CDYL: variants seen among roughly 807,000 people sequenced by gnomAD.
CDYL encodes chromodomain Y-like protein.
A neutral mutation model predicts 47.3 loss-of-function variants in CDYL; 8 were observed. That is an observed-to-expected ratio of 0.17 (90% CI 0.10 to 0.31). The LOEUF is 0.31. CDYL is among the 10% of genes least tolerant of loss of function. The pLI, the probability that CDYL is intolerant of heterozygous loss-of-function variation, is 1.00. For synonymous variants in CDYL, 266 were observed against 265.0 expected, an observed-to-expected ratio of 1.00 and a Z score of -0.04; for missense variants, 471 against 701.4, an observed-to-expected ratio of 0.67 and a Z score of 3.71.
chr6:4,937,492 T>C lies in CDYL; in HGVS notation c.949-73T>C, dbSNP rs1201539211. On this transcript the variant is annotated intron_variant, in intron 3 of 6. Transcript: ENST00000397588. ...ACCTGAGCAACAGAGTGAGACTCTC[T>C]CCAAAAAAAAAAATGCTTTAAGATT... 14 of 1,209,466 alleles carry C rather than the reference T, an allele frequency of 1.2e-5. No homozygotes were observed. In the Middle Eastern group the frequency reaches 6.2e-4, roughly 53 times the overall value. The allele number at this position is 1,209,466 out of a possible 1,614,324, so 74.9% of individuals were successfully genotyped here.
chr6:4,925,416 T>C (rs961157214), intron 2 of CDYL, among the ~76,000 whole-genome samples: 1 of 144,234 alleles, frequency 6.9e-6, no homozygotes, highest in African/African-American at 2.5e-5. Flanking sequence ...TTTCTTTTTT[T>C]TTTTTTTTTT....
At chr6:4,772,363 C>T (rs1758350270), upstream of CDYL, among the ~76,000 whole-genome samples, 3 of 151,974 alleles carry the variant, frequency 2.0e-5, no homozygotes, top group Admixed American at 6.6e-5. Context: ...GGCTGCCCCT[C>T]GAAATGGGGA....
chr6:4,745,438 A>T (rs1757875769), intron 3 of CDYL, among the ~76,000 whole-genome samples: 1 of 152,210 alleles, frequency 6.6e-6, no homozygotes, highest in Non-Finnish European at 1.5e-5. Flanking sequence ...CCTTTCTTTC[A>T]TCAAACACTT....
chr6:4,803,767 A>G, intron 1 of CDYL, among the ~76,000 whole-genome samples: 1 of 78,704 alleles, frequency 1.3e-5, no homozygotes, highest in East Asian at 3.3e-4. Flanking sequence ...TTTCATCTTT[A>G]TTTTCCTGAT....
chr6:4,894,549 C>G (rs564618106), intron 2 of CDYL, among the ~76,000 whole-genome samples: 1 of 152,268 alleles, frequency 6.6e-6, no homozygotes, highest in Admixed American at 6.5e-5. Flanking sequence ...TGGAACACAG[C>G]TAACCATCCA....
chr6:4,945,004 C>T (rs930789059), intron 5 of CDYL, among the ~76,000 whole-genome samples: 77 of 152,100 alleles, frequency 5.1e-4, no homozygotes, highest in African/African-American at 1.8e-3. Context: ...TCTGCAGACA[C>T]CCGCAGTGCT....
At chr6:4,773,865 C>T (rs971270778), upstream of CDYL, among the ~76,000 whole-genome samples, 1 of 152,182 alleles carries the variant, frequency 6.6e-6, no homozygotes, top group Non-Finnish European at 1.5e-5. This position sits in a 1 kb window ranked among gnomAD's most constrained non-coding sequence, Gnocchi z 4.6. Flanking sequence ...TGAAAAGCTA[C>T]GTAAATTGAC....
intron 2 of CDYL, among the ~76,000 whole-genome samples, chr6:4,894,615 A>G (rs1008488069): frequency 1.3e-5 from 2 of 152,188 alleles, no homozygotes; most frequent in African/African-American, 4.8e-5. Context: ...AATCCCGGCT[A>G]ATTTTTGTAT....
At chr6:4,907,451 C>T (rs1757274033) in intron 2 of CDYL, among the ~76,000 whole-genome samples, 1 of 152,176 alleles carries the variant, frequency 6.6e-6, no homozygotes, top group Non-Finnish European at 1.5e-5. Flanking sequence ...GTCTCCCCCT[C>T]CCAGGCTCAG....
intron 3 of CDYL, chr6:4,734,922 C>T: frequency 6.3e-7 from 1 of 1,581,348 alleles, no homozygotes; most frequent in Non-Finnish European, 8.6e-7. Flanking sequence ...CGCCCCACAC[C>T]ACACTCTCCC....
At chr6:4,793,439 C>G (rs1758984543) in intron 1 of CDYL, among the ~76,000 whole-genome samples, 1 of 152,072 alleles carries the variant, frequency 6.6e-6, no homozygotes, top group East Asian at 1.9e-4. Flanking sequence ...GTGAGGCCGG[C>G]AGGAGGCCAG....
chr6:4,770,581 A>G (rs1758324027), intron 3 of CDYL, among the ~76,000 whole-genome samples: 1 of 152,138 alleles, frequency 6.6e-6, no homozygotes, highest in South Asian at 2.1e-4. Flanking sequence ...TAAACTTCAC[A>G]TTCATTTTGT....
chr6:4,721,376 GTGT>G (rs1757366552), intron 2 of CDYL, among the ~76,000 whole-genome samples: 1 of 151,924 alleles, frequency 6.6e-6, no homozygotes, highest in Admixed American at 6.6e-5. Flanking sequence ...GAGGGGAGGG[GTGT>G]TGTTTTTCTA....
chr6:4,900,746 G>T (rs1757003144), intron 2 of CDYL, among the ~76,000 whole-genome samples: 1 of 118,258 alleles, frequency 8.5e-6, no homozygotes, highest in Non-Finnish European at 1.7e-5. Flanking sequence ...TTGACTGTTT[G>T]CATTCATTCT....
intron 3 of CDYL, among the ~76,000 whole-genome samples, chr6:4,765,663 A>C (rs761117650): frequency 6.6e-6 from 1 of 151,758 alleles, no homozygotes; most frequent in Non-Finnish European, 1.5e-5. Context: ...TTCCAGGTTC[A>C]AGTGATTCTC....
intron 1 of CDYL, among the ~76,000 whole-genome samples, chr6:4,870,921 C>A (rs186200080): frequency 6.6e-6 from 1 of 152,310 alleles, no homozygotes; most frequent in African/African-American, 2.4e-5. Flanking sequence ...TTTAAAAAAT[C>A]TTTCAAGCAC....
chr6:4,894,859 A>G (rs62386616), intron 2 of CDYL, among the ~76,000 whole-genome samples: 5,348 of 63,136 alleles, frequency 0.085, 386 homozygotes, highest in African/African-American at 0.2. Flanking sequence ...GTGTGTGTAT[A>G]TGTGTATATA....
intron 2 of CDYL, among the ~76,000 whole-genome samples, chr6:4,929,026 T>C (rs1463785553): frequency 6.6e-6 from 1 of 152,226 alleles, no homozygotes; most frequent in Admixed American, 6.5e-5. Flanking sequence ...TATTTACTGG[T>C]CTGATACTCT....
intron 2 of CDYL, among the ~76,000 whole-genome samples, chr6:4,732,879 G>C (rs1757632530): frequency 6.6e-6 from 1 of 152,166 alleles, no homozygotes; most frequent in Non-Finnish European, 1.5e-5. Flanking sequence ...GGCTGAACAG[G>C]GACAACAGAG....
Sources: gnomAD v4.1 joint callset for allele counts (sites outside exome capture counted in the v4.1 genomes callset) on GRCh38, gnomAD v4.1.1 for gene constraint, Gnocchi (gnomAD v3.1) non-coding constraint, MANE v1.5 for transcripts, NCBI Gene and HGNC (gene_info 2026-07-23, HGNC 2026-07-21) for gene names.